Variants in ASTN2 observed in about 807,000 individuals in gnomAD.
ASTN2 encodes the protein astrotactin 2, also known as astrotactin-2.
Under a neutral mutation model 139.8 loss-of-function variants are expected in ASTN2, and 54 were observed. The observed-to-expected ratio is 0.39, with a 90% CI of 0.31 to 0.48. The LOEUF is 0.48. Among genes scored for constraint, ASTN2 ranks in the 20% least tolerant of loss-of-function variants. The pLI is 0.95. For synonymous variants in ASTN2, 756 were observed against 719.5 expected (o/e 1.05, Z -0.81); for missense variants, 1,565 against 1,725.1 (o/e 0.91, Z 1.64).
At chr9:117,283,999 TA>T (rs1322167415) in intron 2 of ASTN2, among the ~76,000 whole-genome samples, 1 of 152,180 alleles carries the variant, frequency 6.6e-6, no homozygotes, top group Non-Finnish European at 1.5e-5. Context: ...TGCACCAGCC[TA>T]AATATTTATT....
chr9:116,930,755 T>G (rs1206427079), intron 10 of ASTN2, among the ~76,000 whole-genome samples: 1 of 152,168 alleles, frequency 6.6e-6, no homozygotes, highest in East Asian at 1.9e-4. Flanking sequence ...GATAAAGACT[T>G]AAGTTGTCTG....
chr9:117,045,320 A>ATT (rs71379252), intron 5 of ASTN2, among the ~76,000 whole-genome samples: 3,987 of 145,816 alleles, frequency 0.027, 183 homozygotes, highest in African/African-American at 0.092. Flanking sequence ...TTGCCTGAGT[A>ATT]TTTTTTTTTT....
At chr9:117,276,340 T>C (rs1834188426) in intron 2 of ASTN2, among the ~76,000 whole-genome samples, 2 of 152,152 alleles carry the variant, frequency 1.3e-5, no homozygotes, top group Non-Finnish European at 2.9e-5. Context: ...TCCTCTCCCA[T>C]ACTAGGCTGT....
intron 20 of ASTN2, among the ~76,000 whole-genome samples, chr9:116,485,693 T>C (rs765338130): frequency 6.6e-6 from 1 of 152,210 alleles, no homozygotes; most frequent in Non-Finnish European, 1.5e-5. Flanking sequence ...AGACGTGGAA[T>C]TGCATATTTA....
At chr9:116,930,027 G>T (rs1834855764) in intron 10 of ASTN2, among the ~76,000 whole-genome samples, 1 of 152,156 alleles carries the variant, frequency 6.6e-6, no homozygotes, top group African/African-American at 2.4e-5. Flanking sequence ...CTTGCTGGAG[G>T]TCCAGGGTGT....
At chr9:117,382,305 A>G (rs185422216) in intron 1 of ASTN2, among the ~76,000 whole-genome samples, 80 of 152,320 alleles carry the variant, frequency 5.3e-4, no homozygotes, top group African/African-American at 1.9e-3. Context: ...TCTGAGTTCA[A>G]GAGCCAGGAG....
chr9:116,879,941 A>G (rs1833409189), intron 10 of ASTN2, among the ~76,000 whole-genome samples: 1 of 152,228 alleles, frequency 6.6e-6, no homozygotes, highest in African/African-American at 2.4e-5. Context: ...AAATCAAATG[A>G]AAAGGCATTC....
At chr9:117,253,218 C>A (rs1833586199) in intron 2 of ASTN2, among the ~76,000 whole-genome samples, 1 of 152,180 alleles carries the variant, frequency 6.6e-6, no homozygotes, top group South Asian at 2.1e-4. Context: ...TTCCTCTCCA[C>A]ACCTGGGTCC....
chr9:117,404,959 C>T (rs979527624), intron 1 of ASTN2, among the ~76,000 whole-genome samples: 1 of 152,066 alleles, frequency 6.6e-6, no homozygotes, highest in Non-Finnish European at 1.5e-5. Flanking sequence ...TAGGAGTTTG[C>T]TTGTCAAGTG....
chr9:116,511,653 G>A (rs1850387516), intron 19 of ASTN2, among the ~76,000 whole-genome samples: 1 of 152,088 alleles, frequency 6.6e-6, no homozygotes, highest in African/African-American at 2.4e-5. Flanking sequence ...TTGGTTGGTA[G>A]GCTATTAATT....
At chr9:116,843,056 T>G (rs1332983500) in intron 11 of ASTN2, among the ~76,000 whole-genome samples, 1 of 152,194 alleles carries the variant, frequency 6.6e-6, no homozygotes, top group Middle Eastern at 3.2e-3. Context: ...AAGAATCTTA[T>G]GTATCCTTCA....
chr9:116,888,583 T>C (rs1181623618), intron 10 of ASTN2, among the ~76,000 whole-genome samples: 2 of 151,992 alleles, frequency 1.3e-5, no homozygotes, highest in Non-Finnish European at 2.9e-5. Context: ...AATGCAGTGG[T>C]GCAATCTCGG....
At chr9:116,692,904 G>C (rs1860645092) in intron 16 of ASTN2, among the ~76,000 whole-genome samples, 1 of 152,092 alleles carries the variant, frequency 6.6e-6, no homozygotes, top group African/African-American at 2.4e-5. Flanking sequence ...TCTGCTTGAA[G>C]GAGCTACAGC....
intron 19 of ASTN2, among the ~76,000 whole-genome samples, chr9:116,556,243 T>G (rs530263201): frequency 4.9e-4 from 75 of 152,300 alleles, no homozygotes; most frequent in Non-Finnish European, 9.3e-4. Flanking sequence ...TGGGAAAATT[T>G]TATTTATACT....
chr9:116,799,704 A>AGTGGG (rs1830789847), intron 13 of ASTN2, among the ~76,000 whole-genome samples: 1 of 97,378 alleles, frequency 1.0e-5, no homozygotes, highest in African/African-American at 4.8e-5. Flanking sequence ...TGGGTAAGAG[A>AGTGGG]GTGGGGGGGG....
At chr9:117,251,946 T>C (rs918456017) in intron 2 of ASTN2, among the ~76,000 whole-genome samples, 4 of 152,098 alleles carry the variant, frequency 2.6e-5, no homozygotes, top group African/African-American at 9.7e-5. Context: ...GAAAAACACA[T>C]CTCCAAGGAG....
intron 19 of ASTN2, among the ~76,000 whole-genome samples, chr9:116,496,570 C>A (rs964839483): frequency 6.6e-6 from 1 of 152,176 alleles, no homozygotes; most frequent in Non-Finnish European, 1.5e-5. Flanking sequence ...CAAGATACCC[C>A]CCAGAACTGT....
chr9:116,763,104 C>T (rs1829716120), intron 13 of ASTN2, among the ~76,000 whole-genome samples: 1 of 152,160 alleles, frequency 6.6e-6, no homozygotes, highest in Non-Finnish European at 1.5e-5. Context: ...TTTCTGAGGA[C>T]CCCCAATAAT....
rs199918203 is a variant in ASTN2, at chr9:117,291,551, G to A, written c.443-38C>T. Reference sequence around the variant, plus strand: ...ACCCGAGGCACTGGGTGAGCCGTACGCCTGGCCTTGGTGCTCCAGGGAGGA... The same window carrying A: ...ACCCGAGGCACTGGGTGAGCCGTACACCTGGCCTTGGTGCTCCAGGGAGGA... On this transcript the variant is annotated intron_variant, in intron 1 of 22. Transcript: ENST00000313400. The A allele has an allele frequency of 2.4e-3, 3,639 of 1,539,142 alleles. 6 individuals are homozygous for A. Among genetic ancestry groups the A allele is most frequent in the Non-Finnish European group, 3.0e-3 (3,386 of 1,140,908 alleles).
Sources: gnomAD v4.1 joint callset for allele counts (sites outside exome capture counted in the v4.1 genomes callset) on GRCh38, gnomAD v4.1.1 for gene constraint, MANE v1.5 for transcripts, NCBI Gene and HGNC (gene_info 2026-07-23, HGNC 2026-07-21) for gene names.